Variants in SLC25A36 observed in about 807,000 individuals in gnomAD.
SLC25A36 encodes the protein solute carrier family 25 member 36.
SLC25A36 carries 24 observed loss-of-function variants against 35.3 expected under a neutral mutation model. The observed-to-expected ratio is 0.68, with a 90% CI of 0.49 to 0.96. SLC25A36 has a LOEUF of 0.96. SLC25A36 is among the 40% of genes least tolerant of loss of function. SLC25A36 has a pLI of 0.00. For synonymous variants in SLC25A36, 141 were observed against 132.2 expected, an observed-to-expected ratio of 1.07 and a Z score of -0.46; for missense variants, 294 against 381.1, an observed-to-expected ratio of 0.77 and a Z score of 1.90.
In SLC25A36 at chr3:140,978,140, A is replaced by T. The variant is rs1935098409; in HGVS notation, c.*1687A>T. The T allele has an allele frequency of 6.6e-6, 1 of 152,146 alleles. No homozygotes were observed. Among genetic ancestry groups the T allele is most frequent in the Non-Finnish European group, 1.5e-5 (1 of 68,026 alleles). 9.4% of individuals were successfully genotyped at this position (152,146 alleles called of 1,614,324 possible). On this transcript the variant is annotated 3_prime_UTR_variant, in exon 7 of 7. Coordinates refer to ENST00000324194, the MANE Select transcript of SLC25A36 (RefSeq NM_001104647.3). ...ACCAGTGAAACATAGTGCCCTGTTA[A>T]ATTCCCCCACTTTAACTTCCTTGTG...
At chr3:140,944,044 T>C (rs760442213) in intron 1 of SLC25A36, among the ~76,000 whole-genome samples, 2 of 152,174 alleles carry the variant, frequency 1.3e-5, no homozygotes, top group Non-Finnish European at 2.9e-5. Context: ...AGCCGTATAA[T>C]TTCTCTTCCT....
chr3:140,946,705 A>G (rs1330578731), intron 1 of SLC25A36, among the ~76,000 whole-genome samples: 4 of 152,172 alleles, frequency 2.6e-5, no homozygotes, highest in Non-Finnish European at 5.9e-5. Flanking sequence ...GAAGGGTGGA[A>G]TTGCTGTCAA....
intron 4 of SLC25A36, chr3:140,965,574 T>G (rs1285406738): frequency 6.6e-6 from 1 of 151,864 alleles, no homozygotes; most frequent in Non-Finnish European, 1.5e-5. Context: ...GAACTCATGT[T>G]TAATTTAGAT....
At chr3:140,952,759 G>A (rs1337591765) in intron 1 of SLC25A36, among the ~76,000 whole-genome samples, 1 of 152,168 alleles carries the variant, frequency 6.6e-6, no homozygotes, top group African/African-American at 2.4e-5. Flanking sequence ...AACCAGGAAT[G>A]ACTGGGTAGG....
chr3:140,958,960 TTGTGTGTGTGTGTGTGTGTGTG>T lies in SLC25A36; in HGVS notation c.207-475_207-454del, dbSNP rs377492880. ...TGCTATGTCATGAAAAAACAATGTT[TTGTGTGTGTGTGTGTGTGTGTG>T]TGTGTGTGTGTGTGTGTGTGTGTGT... On this transcript the variant is annotated intron_variant, in intron 2 of 6. Transcript: ENST00000324194. Among the ~76,000 whole-genome samples, 759 of 112,630 alleles carry T rather than the reference TTGTGTGTGTGTGTGTGTGTGTG, an allele frequency of 6.7e-3. 1 individual carries two copies. The highest frequency in any genetic ancestry group is 0.01 in the Non-Finnish European group (602 of 57,386). The allele number at this position is 112,630 out of a possible 152,430, so 73.9% of individuals were successfully genotyped here. A position where few individuals can be genotyped will look rare whatever the true frequency, so the allele number is the denominator to read the frequency against.
chr3:140,958,094 G>A (rs1007641149), intron 2 of SLC25A36, among the ~76,000 whole-genome samples: 11 of 152,054 alleles, frequency 7.2e-5, no homozygotes, highest in South Asian at 2.1e-4. Context: ...TTTCAGGGTC[G>A]TAGGGTTATC....
intron 1 of SLC25A36, among the ~76,000 whole-genome samples, chr3:140,950,918 C>CTGTGTGTCTGTGTGTGTGTGTGTGTG (rs1553726051): frequency 4.4e-5 from 6 of 136,376 alleles, no homozygotes; most frequent in African/African-American, 1.3e-4. Flanking sequence ...GTCTGTGTGT[C>CTGTGTGTCTGTGTGTGTGTGTGTGTG]TGTGTGTGTG....
chr3:140,961,418 T>C (rs1934623117), intron 3 of SLC25A36, among the ~76,000 whole-genome samples: 1 of 151,606 alleles, frequency 6.6e-6, no homozygotes, highest in African/African-American at 2.4e-5. Context: ...TACATTTAGA[T>C]TATTTTTAGA....
chr3:140,977,270 T>A lies in SLC25A36; in HGVS notation c.*817T>A, dbSNP rs1935072598. The A allele has an allele frequency of 6.6e-6, 1 of 152,220 alleles. No homozygotes were observed. The highest frequency in any genetic ancestry group is 1.5e-5 in the Non-Finnish European group (1 of 68,034). The allele number at this position is 152,220 out of a possible 1,614,324, so 9.4% of individuals were successfully genotyped here. On this transcript the variant is annotated 3_prime_UTR_variant, in exon 7 of 7. Coordinates refer to ENST00000324194, the MANE Select transcript of SLC25A36 (RefSeq NM_001104647.3). ...TTGAATTATCACCTCTTTGTCATAC[T>A]TAAGTATCATTTACATAAAGTGTAA...
chr3:140,947,257 AT>A (rs1414947837), intron 1 of SLC25A36, among the ~76,000 whole-genome samples: 12 of 152,318 alleles, frequency 7.9e-5, no homozygotes, highest in Admixed American at 5.9e-4. Flanking sequence ...TAGGAGAGAA[AT>A]TAGAGACAAC....
chr3:140,962,165 A>C (rs1427698768), intron 3 of SLC25A36, among the ~76,000 whole-genome samples: 1 of 152,024 alleles, frequency 6.6e-6, no homozygotes, highest in African/African-American at 2.4e-5. Context: ...CTTGGCATCA[A>C]GTGTATCTTA....
rs374665163 is a variant in SLC25A36 at position 140,942,128 on chromosome 3, T to C, written c.41+33T>C. 287 of 845,080 alleles carry C rather than the reference T, an allele frequency of 3.4e-4. 1 individual carries two copies. In the Middle Eastern group the frequency reaches 9.2e-3, roughly 27 times the overall value. The allele number at this position is 845,080 out of a possible 1,614,324, so 52.3% of individuals were successfully genotyped here. ...CCTGGCGGGGCGTGCGCACTGGGGC[T>C]GAGGGTGCTGGGGCCGAAGACGCAG... On this transcript the variant is annotated intron_variant, in intron 1 of 6. Transcript: ENST00000324194.
intron 1 of SLC25A36, among the ~76,000 whole-genome samples, chr3:140,943,692 G>C (rs1200018839): frequency 6.6e-6 from 1 of 150,718 alleles, no homozygotes; most frequent in Admixed American, 6.6e-5. Context: ...ATAAAATTAG[G>C]AGGTTGTATT....
intron 1 of SLC25A36, among the ~76,000 whole-genome samples, chr3:140,955,137 C>A (rs1934445608): frequency 6.6e-6 from 1 of 151,908 alleles, no homozygotes. Context: ...ATCTTATTTT[C>A]TTTGTGGCAT....
intron 4 of SLC25A36, chr3:140,966,651 T>A (rs1934768079): frequency 3.1e-6 from 1 of 323,678 alleles, no homozygotes; most frequent in Non-Finnish European, 6.1e-6. Flanking sequence ...TATTCCCTTT[T>A]GACAAGGTTA....
chr3:140,977,151 T>G lies in SLC25A36; in HGVS notation c.*698T>G, dbSNP rs2680674. 2.6e-5 allele frequency: 4 copies of G among 152,160 alleles called. No homozygotes were observed. The highest frequency in any genetic ancestry group is 4.4e-5 in the Non-Finnish European group (3 of 68,040). The allele number at this position is 152,160 out of a possible 1,614,324, so 9.4% of individuals were successfully genotyped here. On this transcript the variant is annotated 3_prime_UTR_variant, in exon 7 of 7. Transcript: ENST00000324194. ...CTAGTAAAATGTTGATTTCTCGGCT[T>G]TTTCACTGACTGCGGCATGTCCTCG...
At chr3:140,963,266 G>A in intron 4 of SLC25A36, 39 bp downstream of exon 4, 27 of 1,146,902 alleles carry the variant, frequency 2.4e-5, no homozygotes, top group Non-Finnish European at 2.8e-5. Context: ...AAAACTTTCT[G>A]AAACCTAGAG....
intron 4 of SLC25A36, among the ~76,000 whole-genome samples, chr3:140,969,520 A>T (rs1934848165): frequency 1.3e-5 from 2 of 151,868 alleles, no homozygotes; most frequent in Non-Finnish European, 2.9e-5. Context: ...TATCCCATTT[A>T]TCTTGCTTGC....
At chr3:140,952,746 T>C (rs142541294) in intron 1 of SLC25A36, among the ~76,000 whole-genome samples, 36 of 152,340 alleles carry the variant, frequency 2.4e-4, no homozygotes, top group African/African-American at 7.5e-4. Flanking sequence ...TTTATTTTCT[T>C]GGAACCAGGA....
Sources: gnomAD v4.1 joint callset for allele counts (sites outside exome capture counted in the v4.1 genomes callset) on GRCh38, gnomAD v4.1.1 for gene constraint, MANE v1.5 for transcripts, NCBI Gene and HGNC (gene_info 2026-07-23, HGNC 2026-07-21) for gene names.